Variants in RAD51B observed in about 807,000 individuals in gnomAD.
RAD51B encodes the protein RAD51 paralog B, also known as DNA repair protein RAD51 homolog 2.
RAD51B carries 38 observed loss-of-function variants against 42.2 expected under a neutral mutation model. The ratio of observed to expected loss-of-function variants is 0.90; its 90% CI spans 0.70 to 1.18. The LOEUF (loss-of-function observed/expected upper bound fraction) is 1.18. Ranked by LOEUF, RAD51B falls within the 50% of genes most tolerant of loss-of-function variation. RAD51B has a pLI of 0.00. For synonymous variants in RAD51B, 154 were observed against 145.2 expected, an observed-to-expected ratio of 1.06 and a Z score of -0.43; for missense variants, 373 against 400.7, an observed-to-expected ratio of 0.93 and a Z score of 0.59.
chr14:68,656,672 C>T (rs532476252), intron 11 of RAD51B, among the ~76,000 whole-genome samples: 13 of 152,314 alleles, frequency 8.5e-5, no homozygotes, highest in African/African-American at 2.4e-4. Context: ...GGCAGTGTGA[C>T]CTTTGGGCCT....
At chr14:68,480,423 G>A (rs1883084071), downstream of RAD51B, among the ~76,000 whole-genome samples, 1 of 152,184 alleles carries the variant, frequency 6.6e-6, no homozygotes, top group East Asian at 1.9e-4. Context: ...ACCTTGCAAT[G>A]CGTTCATGCA....
intron 5 of RAD51B, among the ~76,000 whole-genome samples, chr14:67,868,222 G>T (rs2139999226): frequency 6.6e-6 from 1 of 152,274 alleles, no homozygotes; most frequent in South Asian, 2.1e-4. Context: ...AGGTCAGTGG[G>T]TGCCCGCACC....
At chr14:67,859,589 G>A (rs2042099117) in intron 4 of RAD51B, among the ~76,000 whole-genome samples, 1 of 152,186 alleles carries the variant, frequency 6.6e-6, no homozygotes, top group African/African-American at 2.4e-5. Flanking sequence ...TAATGAACAT[G>A]TGGGACAGGA....
chr14:67,959,050 A>T (rs2074605870), intron 7 of RAD51B, among the ~76,000 whole-genome samples: 1 of 151,924 alleles, frequency 6.6e-6, no homozygotes, highest in Non-Finnish European at 1.5e-5. Context: ...TTCACATCAC[A>T]TTTTTTTGTA....
chr14:68,524,152 A>T (rs1174152917), intron 10 of RAD51B, among the ~76,000 whole-genome samples: 1 of 152,210 alleles, frequency 6.6e-6, no homozygotes, highest in African/African-American at 2.4e-5. Flanking sequence ...AGACAAGGAC[A>T]TTGAGACAGA....
intron 7 of RAD51B, among the ~76,000 whole-genome samples, chr14:68,224,404 T>G (rs1373012583): frequency 6.6e-6 from 1 of 152,176 alleles, no homozygotes; most frequent in Admixed American, 6.5e-5. Flanking sequence ...CTTCCTTTTT[T>G]CACTCATGGA....
intron 7 of RAD51B, among the ~76,000 whole-genome samples, chr14:68,137,489 A>G (rs1281164155): frequency 6.6e-6 from 1 of 152,210 alleles, no homozygotes; most frequent in African/African-American, 2.4e-5. Flanking sequence ...TTCCAATTCT[A>G]TTAATACCAT....
intron 10 of RAD51B, among the ~76,000 whole-genome samples, chr14:68,554,528 C>T (rs1486177116): frequency 2.0e-5 from 3 of 152,216 alleles, no homozygotes; most frequent in Admixed American, 6.5e-5. Context: ...TTCAATGTCA[C>T]CTTCCCAGTG....
rs549502309 is a variant in RAD51B, at chr14:68,578,294, C to G, written c.1037-16191C>G. Among the ~76,000 whole-genome samples the G allele has an allele frequency of 1.6e-3, 251 of 152,182 alleles. 11 individuals carry two copies. In the South Asian group the frequency reaches 0.051, roughly 31 times the overall value. On this transcript the variant is annotated intron_variant, in intron 10 of 10. Transcript: ENST00000487270. The stretch of plus-strand genomic sequence containing the variant: ...GGCGTGGTGGCATGCACCTGTAATC[C>G]CAGCTACTCGGGAGGCTGAGGCAAG...
At chr14:68,060,434 A>G (rs2076549230) in intron 7 of RAD51B, among the ~76,000 whole-genome samples, 1 of 152,150 alleles carries the variant, frequency 6.6e-6, no homozygotes, top group Non-Finnish European at 1.5e-5. Flanking sequence ...TCAGAATGCA[A>G]GTGGGTTAGT....
intron 9 of RAD51B, among the ~76,000 whole-genome samples, chr14:68,433,428 T>G (rs576472137): frequency 6.6e-6 from 1 of 152,306 alleles, no homozygotes; most frequent in East Asian, 1.9e-4. Context: ...CCATATTTCT[T>G]GGAGGCTTTG....
chr14:68,249,031 G>C (rs1609805), intron 7 of RAD51B, among the ~76,000 whole-genome samples: 1 of 152,262 alleles, frequency 6.6e-6, no homozygotes, highest in South Asian at 2.1e-4. Context: ...GGCTGAGTCA[G>C]TTGGAAGATG....
chr14:68,673,894 G>A (rs1324846107), intron 11 of RAD51B, among the ~76,000 whole-genome samples: 4 of 135,094 alleles, frequency 3.0e-5, no homozygotes, highest in African/African-American at 8.6e-5. Context: ...ATGTATACAT[G>A]CACACACATA....
intron 7 of RAD51B, among the ~76,000 whole-genome samples, chr14:67,992,392 A>G (rs977371980): frequency 3.9e-5 from 6 of 152,200 alleles, no homozygotes; most frequent in African/African-American, 1.4e-4. Flanking sequence ...AGCTGTCTAA[A>G]AAATGAAATA....
intron 7 of RAD51B, among the ~76,000 whole-genome samples, chr14:67,901,698 G>A (rs4899230): frequency 0.57 from 86,731 of 152,066 alleles, 25,764 homozygotes; most frequent in African/African-American, 0.74. Flanking sequence ...GATGAGGAAA[G>A]TGTAGTATAT....
intron 10 of RAD51B, chr14:68,562,608 A>T (rs1889211283): frequency 3.0e-6 from 3 of 985,388 alleles, no homozygotes; most frequent in Non-Finnish European, 3.6e-6. Flanking sequence ...CAGCAATATT[A>T]TTGTTAGTTC....
chr14:68,291,323 C>T lies in RAD51B; in HGVS notation c.757-561C>T, dbSNP rs551125620. On this transcript the variant is annotated intron_variant, in intron 7 of 10. Transcript: ENST00000471583. ...AAGCGATTCTCCTGCCTCAGCCTCC[C>T]GAGTAGAGTAGCTGGGATTACAGAC... Among the ~76,000 whole-genome samples, 18 of 152,150 alleles carry T rather than the reference C, an allele frequency of 1.2e-4. No individual in the cohort carries two copies. In the South Asian group the frequency reaches 3.1e-3, roughly 26 times the overall value.
chr14:68,049,679 A>G (rs1416047437), intron 7 of RAD51B, among the ~76,000 whole-genome samples: 1 of 152,132 alleles, frequency 6.6e-6, no homozygotes, highest in Non-Finnish European at 1.5e-5. Context: ...ATTCTTCACA[A>G]TATCTCTTGG....
At chr14:68,576,643 C>T (rs1889975035) in intron 10 of RAD51B, among the ~76,000 whole-genome samples, 1 of 152,168 alleles carries the variant, frequency 6.6e-6, no homozygotes, top group South Asian at 2.1e-4. Flanking sequence ...TACTTTAGAG[C>T]TTCTAGGGTA....
Sources: gnomAD v4.1 joint callset for allele counts (sites outside exome capture counted in the v4.1 genomes callset) on GRCh38, gnomAD v4.1.1 for gene constraint, MANE v1.5 for transcripts, NCBI Gene and HGNC (gene_info 2026-07-23, HGNC 2026-07-21) for gene names.